BRD3: variants seen among roughly 807,000 people sequenced by gnomAD.
BRD3 encodes bromodomain-containing protein 3.
A neutral mutation model predicts 66.8 loss-of-function variants in BRD3; 17 were observed. The ratio of observed to expected loss-of-function variants is 0.25; its 90% CI spans 0.17 to 0.38. BRD3 has a LOEUF of 0.38. BRD3 is among the 10% of genes least tolerant of loss of function. The pLI is 1.00. For synonymous variants in BRD3, 421 were observed against 393.2 expected, an observed-to-expected ratio of 1.07 and a Z score of -0.84; for missense variants, 713 against 956.1, an observed-to-expected ratio of 0.75 and a Z score of 3.35.
At position 134,032,338 on chromosome 9, in the gene BRD3, T is replaced by A. The variant is rs1843522353; in HGVS notation, c.*1252A>T. ...AAATTGATTTCTTTTAAAACAGTCTTAAAGAGACCAGAAGTGAATACAAAA... is the reference window on the plus strand; with the variant it reads ...AAATTGATTTCTTTTAAAACAGTCTAAAAGAGACCAGAAGTGAATACAAAA... On this transcript the variant is annotated 3_prime_UTR_variant, in exon 12 of 12. Coordinates refer to ENST00000303407, the MANE Select transcript of BRD3 (RefSeq NM_007371.4). The A allele has an allele frequency of 4.7e-6, 1 of 211,216 alleles. No homozygotes were observed. The highest frequency in any genetic ancestry group is 2.4e-5 in the African/African-American group (1 of 41,874). 13.1% of individuals were successfully genotyped at this position (211,216 alleles called of 1,614,324 possible).
intron 11 of BRD3, 45 bp downstream of exon 11, chr9:134,034,656 C>A: frequency 1.3e-6 from 2 of 1,597,778 alleles, no homozygotes; most frequent in South Asian, 1.1e-5. Context: ...TGCTGACACC[C>A]CCCACCCCCC....
Position 134,045,251 on chromosome 9 carries a change from C to T in BRD3, c.1215+42G>A. On this transcript the variant is annotated intron_variant, in intron 7 of 11. Transcript: ENST00000303407. This position sits in a 1 kb window ranked among gnomAD's most constrained non-coding sequence, Gnocchi z 4.8. ...CACACTGAGGCCAGGATGCCCACAG[C>T]ACTGAGCTGAGCAGCCCCACCCGTG... The T allele has an allele frequency of 6.2e-7, 1 of 1,610,066 alleles. No individual in the cohort carries two copies.
At chr9:134,062,241 C>T (rs554576825) in intron 1 of BRD3, among the ~76,000 whole-genome samples, 255 of 152,300 alleles carry the variant, frequency 1.7e-3, no homozygotes, top group Admixed American at 3.1e-3. Context: ...ATGCACAGCG[C>T]ACCTGCTCTC....
intron 10 of BRD3, 97 bp from the exon 11 acceptor site, chr9:134,034,926 T>A: frequency 1.3e-6 from 2 of 1,542,282 alleles, no homozygotes; most frequent in Non-Finnish European, 1.8e-6. Context: ...CCCTGCACAC[T>A]GGCATCCATG....
intron 1 of BRD3, among the ~76,000 whole-genome samples, chr9:134,066,623 G>C (rs575798821): frequency 4.4e-4 from 67 of 152,212 alleles, no homozygotes; most frequent in African/African-American, 1.4e-3. Context: ...CAAAAGAGCA[G>C]GGTAAAAAGA....
chr9:134,045,525 C>A lies in BRD3; in HGVS notation c.1087-104G>T. ...CTGGAGCCTCAGGAGCCACTGCCAG[C>A]TCCAGGGCAGTGCCTACTGGCCTGG... On this transcript the variant is annotated intron_variant, in intron 6 of 11. Transcript: ENST00000303407. This position sits in a 1 kb window ranked among gnomAD's most constrained non-coding sequence, Gnocchi z 4.8. The A allele has an allele frequency of 6.5e-7, 1 of 1,536,742 alleles. No homozygotes were observed.
chr9:134,050,285 T>TG, intron 5 of BRD3, 89 bp downstream of exon 5: 2 of 1,306,084 alleles, frequency 1.5e-6, no homozygotes, highest in Non-Finnish European at 2.1e-6. Flanking sequence ...CAGGGAAAGG[T>TG]GGGGGCCCCC....
rs1474581933 is a variant in BRD3 at position 134,032,870 on chromosome 9, T to TC, written c.*719_*720insG. The TC allele has an allele frequency of 1.3e-5, 2 of 154,910 alleles. No individual in the cohort carries two copies. Among genetic ancestry groups the TC allele is most frequent in the Admixed American group, 2.2e-4 (2 of 9,274 alleles). 9.6% of individuals were successfully genotyped at this position (154,910 alleles called of 1,614,324 possible). The stretch of plus-strand genomic sequence containing the variant: ...TTTTTTTTTTTAAATCTTTTCTTCT[T>TC]TTTTTTTTTTTAAAGTTGAGGTAAA... On this transcript the variant is annotated 3_prime_UTR_variant, in exon 12 of 12. Transcript: ENST00000303407.
In BRD3 at chr9:134,033,473, GAATT is replaced by G. The variant is rs1195180661; in HGVS notation, c.*113_*116del. ...AAAAACTGGAAGATATCATAACACT[GAATT>G]AAGAAGCAGACCTGCACACCATGGA... On this transcript the variant is annotated 3_prime_UTR_variant, in exon 12 of 12. Transcript: ENST00000303407. The surrounding 1 kb of genome is among the most constrained non-coding windows in gnomAD (Gnocchi z 5.1). 3.8e-5 allele frequency: 23 copies of G among 601,104 alleles called. No homozygotes were observed. The African/African-American group carries it at 4.1e-4, about 11-fold the overall frequency. The allele number at this position is 601,104 out of a possible 1,614,324, so 37.2% of individuals were successfully genotyped here.
At chr9:134,034,393 C>T in intron 11 of BRD3, 1 of 323,826 alleles carries the variant, frequency 3.1e-6, no homozygotes. Context: ...GAGCCCAGCT[C>T]ACTGGCTGGG....
Position 134,030,489 on chromosome 9 carries a change from T to C in BRD3, c.*3101A>G, listed in dbSNP as rs1329304094. On this transcript the variant is annotated 3_prime_UTR_variant, in exon 12 of 12. Transcript: ENST00000303407. Reference sequence around the variant, plus strand: ...TGGACTCATTTTCAGTAACTGACATTTACAGGAATATACTAGAAACGGCAC... The same window carrying C: ...TGGACTCATTTTCAGTAACTGACATCTACAGGAATATACTAGAAACGGCAC... The C allele has an allele frequency of 4.9e-6, 1 of 203,932 alleles. No homozygotes were observed. The highest frequency in any genetic ancestry group is 1.0e-5 in the Non-Finnish European group (1 of 99,646). 12.6% of individuals were successfully genotyped at this position (203,932 alleles called of 1,614,324 possible).
chr9:134,068,475 G>GGCGGC (rs1830718734), upstream of BRD3: 1 of 150,434 alleles, frequency 6.6e-6, no homozygotes, highest in Non-Finnish European at 1.5e-5. Context: ...GCACGGGCGG[G>GGCGGC]GCGGCGCGCA....
chr9:134,050,917 CTAAG>C, intron 4 of BRD3, among the ~76,000 whole-genome samples: 1 of 152,318 alleles, frequency 6.6e-6, no homozygotes, highest in South Asian at 2.1e-4. Flanking sequence ...ACTCGGTTCC[CTAAG>C]TAACAAGCTG....
intron 9 of BRD3, among the ~76,000 whole-genome samples, chr9:134,038,700 C>CT (rs1829979892): frequency 6.6e-6 from 1 of 152,174 alleles, no homozygotes; most frequent in Non-Finnish European, 1.5e-5. Context: ...CTGAAACTGT[C>CT]TGAGTCTTAA....
rs1226226903 is a variant in BRD3 at position 134,031,841 on chromosome 9, A to T, written c.*1749T>A. The T allele has an allele frequency of 4.5e-6, 1 of 221,788 alleles. No homozygotes were observed. The highest frequency in any genetic ancestry group is 2.2e-5 in the African/African-American group (1 of 44,574). 13.7% of individuals were successfully genotyped at this position (221,788 alleles called of 1,614,324 possible). ...CAGACCACACCACAGCTCCATACCC[A>T]GCGTCTGCCTGGAGGCTCCCCCACG... On this transcript the variant is annotated 3_prime_UTR_variant, in exon 12 of 12. Coordinates refer to ENST00000303407, the MANE Select transcript of BRD3 (RefSeq NM_007371.4).
intron 1 of BRD3, among the ~76,000 whole-genome samples, chr9:134,060,540 T>A (rs1222458926): frequency 1.3e-5 from 2 of 151,842 alleles, no homozygotes; most frequent in East Asian, 3.9e-4. Context: ...TACAGTCAGC[T>A]GTGATCGCAC....
In BRD3 at chr9:134,033,080, C is replaced by T. The variant is rs374905750; in HGVS notation, c.*510G>A. 5.0e-6 allele frequency: 2 copies of T among 399,144 alleles called. No homozygotes were observed. Among genetic ancestry groups the T allele is most frequent in the Middle Eastern group, 6.2e-4 (1 of 1,610 alleles). The allele number at this position is 399,144 out of a possible 1,614,324, so 24.7% of individuals were successfully genotyped here. A position where few individuals can be genotyped will look rare whatever the true frequency, so the allele number is the denominator to read the frequency against. ...CCAGCCTGGTCTCCACAAGCAGGCA[C>T]ATCTGTCCTCAGCCCCTCCAGAAAG... is the stretch of plus-strand genomic sequence containing the variant. On this transcript the variant is annotated 3_prime_UTR_variant, in exon 12 of 12. Transcript: ENST00000303407. The surrounding 1 kb of genome is among the most constrained non-coding windows in gnomAD (Gnocchi z 5.1).
Position 134,048,230 on chromosome 9 carries a change from G to T in BRD3, c.939C>A (p.Arg313=). The T allele has an allele frequency of 6.2e-7, 1 of 1,612,762 alleles. No individual in the cohort carries two copies. The highest frequency in any genetic ancestry group is 8.5e-7 in the Non-Finnish European group (1 of 1,179,822). ...TCTCCCTGAGGATGCTGTCGCAGTAGCGTAGGTGCTCCGACAGCTTGCCCT... is the reference window on the plus strand; with the variant it reads ...TCTCCCTGAGGATGCTGTCGCAGTATCGTAGGTGCTCCGACAGCTTGCCCT... ...GKKGKLSEHL[R]YCDSILREML... Residue 313 remains arginine, a synonymous_variant, in exon 6 of 12, where the codon CGC becomes CGA. Coordinates refer to ENST00000303407, the MANE Select transcript of BRD3 (RefSeq NM_007371.4).
chr9:134,041,106 T>C (rs1038603870), intron 8 of BRD3, among the ~76,000 whole-genome samples: 12 of 152,218 alleles, frequency 7.9e-5, no homozygotes, highest in Admixed American at 6.5e-4. Context: ...GCCATCGCTG[T>C]CCTTGCAGCC....
Sources: gnomAD v4.1 joint callset for allele counts (sites outside exome capture counted in the v4.1 genomes callset) on GRCh38, gnomAD v4.1.1 for gene constraint, Gnocchi (gnomAD v3.1) non-coding constraint, MANE v1.5 for transcripts, NCBI Gene and HGNC (gene_info 2026-07-23, HGNC 2026-07-21) for gene names.